The following PHACTR2 variants were observed in gnomAD, a reference collection of about 807,000 sequenced individuals.
PHACTR2 encodes the protein phosphatase and actin regulator 2.
A neutral mutation model predicts 76.0 loss-of-function variants in PHACTR2; 30 were observed. That is an observed-to-expected ratio of 0.39 (90% CI 0.30 to 0.54). The LOEUF (loss-of-function observed/expected upper bound fraction) is 0.54, where lower values mean the gene tolerates loss of function less well. Ranked by LOEUF, PHACTR2 falls within the 20% of genes least tolerant of loss-of-function variation. PHACTR2 has a pLI of 0.61. For missense variants in PHACTR2, 696 were observed against 781.1 expected, an observed-to-expected ratio of 0.89 and a Z score of 1.30; for synonymous variants, 292 against 292.5, an observed-to-expected ratio of 1.00 and a Z score of 0.02.
rs1189218687 is a variant in PHACTR2 at position 143,581,246 on chromosome 6, G to C, written c.217+44039G>C. Among the ~76,000 whole-genome samples the C allele has an allele frequency of 1.3e-5, 2 of 152,148 alleles. No homozygotes were observed. Among genetic ancestry groups the C allele is most frequent in the Admixed American group, 6.5e-5 (1 of 15,272 alleles). On this transcript the variant is annotated intron_variant, in intron 1 of 11. Coordinates refer to the PHACTR2 transcript ENST00000367584. This position sits in a 1 kb window ranked among gnomAD's most constrained non-coding sequence, Gnocchi z 4.5. ...ACCTGGTTTCTGCTCCTTTGACTAT[G>C]GCATAGACTCTGTAGATGTCTGTAA...
chr6:143,542,811 C>A (rs1454456874), intron 1 of PHACTR2, among the ~76,000 whole-genome samples: 2 of 152,302 alleles, frequency 1.3e-5, no homozygotes, highest in East Asian at 3.9e-4. Flanking sequence ...AGATCATATG[C>A]CCCATAGGTG....
At chr6:143,802,571 T>A (rs1230666959) in intron 11 of PHACTR2, among the ~76,000 whole-genome samples, 2 of 146,404 alleles carry the variant, frequency 1.4e-5, no homozygotes, top group African/African-American at 5.1e-5. Flanking sequence ...GTCTTCAGCC[T>A]TGGAATTTGA....
chr6:143,678,056 C>T lies in PHACTR2; in HGVS notation c.-108C>T, dbSNP rs1193186969. 1 of 1,527,752 alleles carries T rather than the reference C, an allele frequency of 6.5e-7. No individual in the cohort carries two copies. Among genetic ancestry groups the T allele is most frequent in the South Asian group, 1.2e-5 (1 of 82,998 alleles). 94.6% of individuals were successfully genotyped at this position (1,527,752 alleles called of 1,614,324 possible). A position where few individuals can be genotyped will look rare whatever the true frequency, so the allele number is the denominator to read the frequency against. ...AGGTGAGGGGACCCGGCGGGCCGCT[C>T]GGCACAGGCCGGGACATGAACGCCT... On this transcript the variant is annotated 5_prime_UTR_variant, in exon 1 of 13. Transcript: ENST00000440869. The surrounding 1 kb of genome is among the most constrained non-coding windows in gnomAD (Gnocchi z 6.2).
In PHACTR2 at chr6:143,708,109, TA is replaced by T. The variant is rs1778093267; in HGVS notation, c.47-3904del. 2.0e-5 allele frequency among the ~76,000 whole-genome samples: 3 copies of T among 152,244 alleles called. No individual in the cohort carries two copies. On this transcript the variant is annotated intron_variant, in intron 1 of 12. Coordinates refer to ENST00000440869, the MANE Select transcript of PHACTR2 (RefSeq NM_001100164.2). The surrounding 1 kb of genome is among the most constrained non-coding windows in gnomAD (Gnocchi z 5.5). ...TGAGATTTGGGTGAGGATACATTTC[TA>T]AACCTTATCAATATGATAATTATCT...
intron 1 of PHACTR2, among the ~76,000 whole-genome samples, chr6:143,699,879 C>T (rs1326921554): frequency 3.9e-5 from 6 of 152,156 alleles, no homozygotes; most frequent in African/African-American, 7.2e-5. Flanking sequence ...AATCTGGGAG[C>T]CTTGGGGACT....
Position 143,627,843 on chromosome 6 carries a change from C to T in PHACTR2, c.13+19521C>T, listed in dbSNP as rs1037137310. Among the ~76,000 whole-genome samples, 5 of 151,850 alleles carry T rather than the reference C, an allele frequency of 3.3e-5. No homozygotes were observed. Among genetic ancestry groups the T allele is most frequent in the African/African-American group, 7.3e-5 (3 of 41,336 alleles). On this transcript the variant is annotated intron_variant, in intron 1 of 11. Transcript: ENST00000305766. This position sits in a 1 kb window ranked among gnomAD's most constrained non-coding sequence, Gnocchi z 4.3. Reference sequence around the variant, plus strand: ...GTCTCGATCTCCTGACCTTGTGATCCGCCCACCTCGGCCTCCCAAAGTACA... The same window carrying T: ...GTCTCGATCTCCTGACCTTGTGATCTGCCCACCTCGGCCTCCCAAAGTACA...
intron 11 of PHACTR2, among the ~76,000 whole-genome samples, chr6:143,804,181 G>T (rs1158806457): frequency 6.6e-6 from 1 of 152,168 alleles, no homozygotes; most frequent in Non-Finnish European, 1.5e-5. Flanking sequence ...TGAGATGCTG[G>T]GTTAGATAAT....
chr6:143,704,162 T>G (rs1235552851), intron 1 of PHACTR2, among the ~76,000 whole-genome samples: 1 of 151,342 alleles, frequency 6.6e-6, no homozygotes, highest in Non-Finnish European at 1.5e-5. Flanking sequence ...GTGTATTGTT[T>G]ACACAGTAAC....
In PHACTR2 at chr6:143,772,979, A is replaced by G. The variant is rs191663777; in HGVS notation, c.1432+522A>G. 1.3e-5 allele frequency among the ~76,000 whole-genome samples: 2 copies of G among 152,310 alleles called. No individual in the cohort carries two copies. The highest frequency in any genetic ancestry group is 1.3e-4 in the Admixed American group (2 of 15,290). On this transcript the variant is annotated intron_variant, in intron 7 of 12. Transcript: ENST00000440869. This position sits in a 1 kb window ranked among gnomAD's most constrained non-coding sequence, Gnocchi z 5.4. ...GGCTCATGTCTAATTTTGGGAGGCT[A>G]ACGTGGGTGAATCCCTTGAGGTCAG...
intron 2 of PHACTR2, among the ~76,000 whole-genome samples, chr6:143,721,136 A>G (rs1212965192): frequency 6.6e-6 from 1 of 152,216 alleles, no homozygotes; most frequent in East Asian, 1.9e-4. Flanking sequence ...AGAATGGCGC[A>G]TATGTTGGTG....
intron 1 of PHACTR2, among the ~76,000 whole-genome samples, chr6:143,620,375 A>G (rs1047189695): frequency 6.6e-5 from 10 of 152,152 alleles, no homozygotes; most frequent in Non-Finnish European, 1.3e-4. Context: ...GTTACTGTAA[A>G]ACAAAATCAT....
intron 10 of PHACTR2, 77 bp from the exon 11 acceptor site, chr6:143,788,696 G>T: frequency 5.7e-6 from 6 of 1,059,750 alleles, no homozygotes; most frequent in Non-Finnish European, 8.1e-6. Context: ...ACTTTGAAGT[G>T]TTCTCTATAG....
intron 1 of PHACTR2, among the ~76,000 whole-genome samples, chr6:143,552,891 A>C (rs1430938253): frequency 3.1e-3 from 232 of 75,870 alleles, no homozygotes; most frequent in African/African-American, 8.0e-3. Flanking sequence ...TCAAAAAGAA[A>C]AAAAAAAAAA....
In PHACTR2 at chr6:143,739,692, T is replaced by C. The variant is rs559208996; in HGVS notation, c.215-9293T>C. On this transcript the variant is annotated intron_variant, in intron 2 of 12. Coordinates refer to ENST00000440869, the MANE Select transcript of PHACTR2 (RefSeq NM_001100164.2). This position sits in a 1 kb window ranked among gnomAD's most constrained non-coding sequence, Gnocchi z 4.3. The stretch of plus-strand genomic sequence containing the variant: ...TTCTAATTACTCTCCTGAGATTGCT[T>C]GTACTTCCTGGCCCTTCTGGGATTG... 6.6e-6 allele frequency among the ~76,000 whole-genome samples: 1 copy of C among 152,302 alleles called. No homozygotes were observed. The highest frequency in any genetic ancestry group is 2.1e-4 in the South Asian group (1 of 4,832).
intron 1 of PHACTR2, among the ~76,000 whole-genome samples, chr6:143,685,726 T>C (rs67494379): frequency 0.083 from 12,406 of 149,792 alleles, 627 homozygotes; most frequent in Middle Eastern, 0.13. Context: ...TGATCACCTA[T>C]GAGTTTAGCA....
Position 143,753,733 on chromosome 6 carries a change from G to C in PHACTR2, c.296-21G>C, listed in dbSNP as rs767712608. ...AGAAAGCCAGCAAGTTAGACATCTA[G>C]GTGTTTCTTTCCCATTTTAGATGGA... On this transcript the variant is annotated intron_variant, in intron 3 of 12. Transcript: ENST00000440869. The surrounding 1 kb of genome is among the most constrained non-coding windows in gnomAD (Gnocchi z 4.6). 3 of 1,558,710 alleles carry C rather than the reference G, an allele frequency of 1.9e-6. No individual in the cohort carries two copies. The highest frequency in any genetic ancestry group is 4.5e-5 in the East Asian group (2 of 44,236).
intron 2 of PHACTR2, among the ~76,000 whole-genome samples, chr6:143,747,399 G>T (rs1289133462): frequency 6.6e-6 from 1 of 152,196 alleles, no homozygotes; most frequent in African/African-American, 2.4e-5. Context: ...TGCCCAGGGC[G>T]CATCCTCCCA....
chr6:143,650,739 G>A (rs116547492), intron 1 of PHACTR2, among the ~76,000 whole-genome samples: 4,897 of 152,122 alleles, frequency 0.032, 255 homozygotes, highest in African/African-American at 0.11. Context: ...CTAGAAGAAA[G>A]TCTAGGCAAT....
In PHACTR2 at chr6:143,821,521, A is replaced by G. The variant is rs2328521; in HGVS notation, c.1923-2153A>G. Among the ~76,000 whole-genome samples the G allele has an allele frequency of 0.081, 12,275 of 152,334 alleles. 644 individuals are homozygous for G. Among genetic ancestry groups the G allele is most frequent in the Admixed American group, 0.17 (2,584 of 15,306 alleles). On this transcript the variant is annotated intron_variant, in intron 12 of 12. Coordinates refer to ENST00000440869, the MANE Select transcript of PHACTR2 (RefSeq NM_001100164.2). The surrounding 1 kb of genome is among the most constrained non-coding windows in gnomAD (Gnocchi z 5.2). ...TCCTTCCTCAGCTTCTCATGATCCA[A>G]TAGCAAAGGCACATGTATCCAAAGA...
Sources: gnomAD v4.1 joint callset for allele counts (sites outside exome capture counted in the v4.1 genomes callset) on GRCh38, gnomAD v4.1.1 for gene constraint, Gnocchi (gnomAD v3.1) non-coding constraint, MANE v1.5 for transcripts, NCBI Gene and HGNC (gene_info 2026-07-23, HGNC 2026-07-21) for gene names.